Variants in RYR2 observed in about 807,000 individuals in gnomAD.
RYR2 encodes the protein ryanodine receptor 2.
In RYR2, 227 loss-of-function variants were observed where a neutral mutation model predicts 601.1. That is an observed-to-expected ratio of 0.38 (90% CI 0.34 to 0.42). RYR2 has a LOEUF of 0.42. Among genes scored for constraint, RYR2 ranks in the 10% least tolerant of loss-of-function variants. RYR2 has a pLI of 1.00. For missense variants in RYR2, 4,646 were observed against 6,156.5 expected, an observed-to-expected ratio of 0.75 and a Z score of 8.21; for synonymous variants, 2,223 against 2,175.1, an observed-to-expected ratio of 1.02 and a Z score of -0.61.
intron 1 of RYR2, among the ~76,000 whole-genome samples, chr1:237,063,265 T>A (rs1287119975): frequency 6.6e-6 from 1 of 152,248 alleles, no homozygotes; most frequent in African/African-American, 2.4e-5. Context: ...GAGAAGTAAA[T>A]TCCTGTTGTT....
At chr1:237,220,887 G>C (rs1320717402) in intron 1 of RYR2, among the ~76,000 whole-genome samples, 4 of 152,074 alleles carry the variant, frequency 2.6e-5, no homozygotes, top group Non-Finnish European at 5.9e-5. Context: ...TCAGGAATTT[G>C]AAACCAGCCT....
Position 237,760,981 on chromosome 1 carries a change from G to A in RYR2, c.11429G>A (p.Arg3810Gln), listed in dbSNP as rs1473957175. The A allele has an allele frequency of 1.9e-6, 3 of 1,577,552 alleles. No homozygotes were observed. Among genetic ancestry groups the A allele is most frequent in the East Asian group, 2.3e-5 (1 of 43,308 alleles). Residue 3810 changes from arginine (R) to glutamine (Q), a missense_variant, in exon 84 of 105, where the codon CGA becomes CAA. Arg to Gln is a conservative substitution (Grantham distance 43). This residue lies in a region of RYR2 where 1,497 missense variants were observed against 1,842.6 expected (regional missense o/e 0.81). Transcript: ENST00000366574. ...CSVLDLNAFE[R>Q]QNKAEGLGMV... is the part of the protein sequence containing the mutation. ...GTCCTTGACCTAAATGCATTTGAGC[G>A]ACAAAACAAAGCTGAAGGTCTTGGG...
chr1:237,673,226 T>G (rs1394335055), intron 58 of RYR2, among the ~76,000 whole-genome samples: 1 of 152,236 alleles, frequency 6.6e-6, no homozygotes, highest in Admixed American at 6.5e-5. Flanking sequence ...TTTACGAATG[T>G]TAGATGTGAG....
At chr1:237,767,619 A>C (rs1019631300) in intron 84 of RYR2, among the ~76,000 whole-genome samples, 1 of 152,216 alleles carries the variant, frequency 6.6e-6, no homozygotes. Context: ...TATCTAGCAC[A>C]ATGCCTAGCA....
At chr1:237,679,840 C>T (rs924495892) in intron 61 of RYR2, among the ~76,000 whole-genome samples, 8 of 152,004 alleles carry the variant, frequency 5.3e-5, no homozygotes, top group Non-Finnish European at 8.8e-5. Flanking sequence ...GGGAAGAGCA[C>T]GCCAGACAGA....
chr1:237,115,854 C>A (rs2490388), intron 1 of RYR2, among the ~76,000 whole-genome samples: 79,048 of 151,982 alleles, frequency 0.52, 21,075 homozygotes, highest in Admixed American at 0.65. Context: ...AGGAAGATTG[C>A]AAATGATAGT....
At chr1:237,419,516 AG>A (rs1705347698) in intron 11 of RYR2, among the ~76,000 whole-genome samples, 2 of 152,192 alleles carry the variant, frequency 1.3e-5, no homozygotes, top group Admixed American at 1.3e-4. Flanking sequence ...ATCAATATAT[AG>A]AAAGGAGATG....
At chr1:237,236,606 C>T (rs1317762445) in intron 1 of RYR2, among the ~76,000 whole-genome samples, 4 of 152,152 alleles carry the variant, frequency 2.6e-5, no homozygotes, top group African/African-American at 7.2e-5. Context: ...GTCTAAAGCT[C>T]TTTTCAATAT....
chr1:237,718,390 G>C (rs974156369), intron 72 of RYR2, 72 bp from the exon 73 acceptor site: 9 of 756,794 alleles, frequency 1.2e-5, no homozygotes, highest in Non-Finnish European at 2.0e-5. Context: ...AAAAGGTTTG[G>C]ATTGTTTCTA....
intron 2 of RYR2, among the ~76,000 whole-genome samples, chr1:237,323,916 A>C (rs1364397221): frequency 6.6e-6 from 1 of 152,186 alleles, no homozygotes; most frequent in African/African-American, 2.4e-5. Flanking sequence ...GACCTGAACG[A>C]ATGAGTTGAC....
intron 1 of RYR2, among the ~76,000 whole-genome samples, chr1:237,178,459 TGTGTGTG>T (rs1558375714): frequency 2.7e-5 from 4 of 146,870 alleles, no homozygotes; most frequent in African/African-American, 1.1e-4. Flanking sequence ...TGTGTGTGTG[TGTGTGTG>T]TGTTTAAAAG....
intron 40 of RYR2, among the ~76,000 whole-genome samples, chr1:237,627,334 C>T (rs954932421): frequency 1.4e-4 from 21 of 152,184 alleles, no homozygotes; most frequent in African/African-American, 4.3e-4. Context: ...CATAATTATA[C>T]GTAGTCACTA....
chr1:237,448,609 T>A (rs1193712538), intron 14 of RYR2, among the ~76,000 whole-genome samples: 2 of 152,100 alleles, frequency 1.3e-5, no homozygotes, highest in Non-Finnish European at 2.9e-5. Flanking sequence ...ATTGTGGATA[T>A]CTCTGTTTCT....
chr1:237,555,246 A>T (rs1670770567), intron 27 of RYR2: 1 of 152,132 alleles, frequency 6.6e-6, no homozygotes, highest in African/African-American at 2.4e-5. Context: ...TATTTCCAAT[A>T]GTGTTTTTGC....
intron 1 of RYR2, among the ~76,000 whole-genome samples, chr1:237,193,781 G>C (rs1680268211): frequency 6.6e-6 from 1 of 152,114 alleles, no homozygotes; most frequent in African/African-American, 2.4e-5. Flanking sequence ...GCACAAATAT[G>C]ATATAAAACT....
intron 52 of RYR2, among the ~76,000 whole-genome samples, chr1:237,654,760 A>G (rs973755326): frequency 2.0e-5 from 3 of 152,216 alleles, no homozygotes; most frequent in African/African-American, 7.2e-5. Context: ...ATTATATCCA[A>G]TATAAAAATA....
At chr1:237,157,314 A>G (rs1235088022) in intron 1 of RYR2, among the ~76,000 whole-genome samples, 5 of 148,936 alleles carry the variant, frequency 3.4e-5, no homozygotes, top group African/African-American at 4.9e-5. Flanking sequence ...AAAAAAAAAA[A>G]AAAAAAAGAA....
chr1:237,299,127 C>CTTTTTTTTTTTTTTTT (rs3086046), intron 2 of RYR2, among the ~76,000 whole-genome samples: 1 of 145,404 alleles, frequency 6.9e-6, no homozygotes. Context: ...TTCCTAGAGT[C>CTTTTTTTTTTTTTTTT]TTTTTTTTTT....
At position 237,042,480 on chromosome 1, in the gene RYR2, C is replaced by T. The variant is rs1660025160; in HGVS notation, c.-42C>T. 1 of 1,243,446 alleles carries T rather than the reference C, an allele frequency of 8.0e-7. No homozygotes were observed. The highest frequency in any genetic ancestry group is 1.6e-5 in the African/African-American group (1 of 64,330). The allele number at this position is 1,243,446 out of a possible 1,614,324, so 77.0% of individuals were successfully genotyped here. Reference sequence around the variant, plus strand: ...AGGGGCCGCCGCCGCCGCCGAGCTCCGCGGGGCTCGGGAGCCGGCCCCGGC... The same window carrying T: ...AGGGGCCGCCGCCGCCGCCGAGCTCTGCGGGGCTCGGGAGCCGGCCCCGGC... On this transcript the variant is annotated 5_prime_UTR_variant, in exon 1 of 105. Coordinates refer to ENST00000366574, the MANE Select transcript of RYR2 (RefSeq NM_001035.3).
Sources: allele counts gnomAD v4.1 joint callset (sites outside exome capture counted in the v4.1 genomes callset), GRCh38; gene constraint gnomAD v4.1.1; regional missense constraint gnomAD v4.1.1; transcripts MANE v1.5; gene names NCBI Gene and HGNC (gene_info 2026-07-23, HGNC 2026-07-21).